COL19A1: variants seen among roughly 807,000 people sequenced by gnomAD.
The protein encoded by COL19A1 is collagen alpha-1(XIX) chain.
Under a neutral mutation model 190.2 loss-of-function variants are expected in COL19A1, and 159 were observed. The observed-to-expected ratio is 0.84, with a 90% CI of 0.73 to 0.95. The LOEUF (loss-of-function observed/expected upper bound fraction) is 0.95. COL19A1 is among the 40% of genes least tolerant of loss of function. The pLI, the probability that COL19A1 is intolerant of heterozygous loss-of-function variation, is 0.00. For missense variants in COL19A1, 1,418 were observed against 1,431.9 expected, an observed-to-expected ratio of 0.99 and a Z score of 0.16; for synonymous variants, 509 against 458.9, an observed-to-expected ratio of 1.11 and a Z score of -1.39.
At chr6:70,174,914 T>C (rs1334353823) in intron 41 of COL19A1, among the ~76,000 whole-genome samples, 3 of 152,086 alleles carry the variant, frequency 2.0e-5, no homozygotes, top group Admixed American at 6.6e-5. Flanking sequence ...ACGCATGAAA[T>C]TGAGATTATG....
At chr6:69,987,731 G>A (rs2150071379) in intron 11 of COL19A1, among the ~76,000 whole-genome samples, 1 of 152,292 alleles carries the variant, frequency 6.6e-6, no homozygotes, top group South Asian at 2.1e-4. Context: ...GTTCTTGATT[G>A]TTGGTAAGGA....
intron 49 of COL19A1, among the ~76,000 whole-genome samples, chr6:70,203,570 C>T (rs529177737): frequency 7.2e-4 from 109 of 152,108 alleles, no homozygotes; most frequent in Middle Eastern, 3.4e-3. Flanking sequence ...ACCCCACCCC[C>T]ACCATGCCCA....
intron 17 of COL19A1, among the ~76,000 whole-genome samples, chr6:70,129,027 A>G (rs1311224323): frequency 1.3e-5 from 2 of 152,216 alleles, no homozygotes; most frequent in African/African-American, 4.8e-5. Context: ...TTACATCTCA[A>G]AGGGATAGTG....
intron 11 of COL19A1, among the ~76,000 whole-genome samples, chr6:69,967,119 A>G (rs1213890021): frequency 6.6e-6 from 1 of 152,230 alleles, no homozygotes; most frequent in Non-Finnish European, 1.5e-5. Context: ...ATATCATTTG[A>G]TTGTGAGAAA....
chr6:70,169,422 T>G lies in COL19A1; in HGVS notation c.2568+741T>G, dbSNP rs188358041. ...AATGTACCTAAAGCTGAAATAAATT[T>G]TCAAAACACTTTCCATTGCCATGTG... On this transcript the variant is annotated intron_variant, in intron 40 of 50. Transcript: ENST00000620364. Among the ~76,000 whole-genome samples, 8 of 152,326 alleles carry G rather than the reference T, an allele frequency of 5.3e-5. No individual in the cohort carries two copies. In the East Asian group the frequency reaches 1.5e-3, roughly 29 times the overall value.
intron 47 of COL19A1, 40 bp from the exon 48 acceptor site, chr6:70,190,275 C>T: frequency 4.9e-6 from 7 of 1,423,026 alleles, no homozygotes; most frequent in Non-Finnish European, 6.9e-6. Context: ...TTCATTTGTG[C>T]TATGCTCTAT....
chr6:69,943,854 A>G (rs1164690794), intron 9 of COL19A1, among the ~76,000 whole-genome samples: 1 of 152,208 alleles, frequency 6.6e-6, no homozygotes, highest in African/African-American at 2.4e-5. Flanking sequence ...TTATACACAT[A>G]CATTATGAGT....
chr6:70,043,790 G>C (rs1309122156), intron 14 of COL19A1, among the ~76,000 whole-genome samples: 25 of 152,302 alleles, frequency 1.6e-4, no homozygotes. Context: ...GGTAAATGTA[G>C]CATAACTCTT....
rs200574288 is a variant in COL19A1, at chr6:70,180,521, C to G, written c.2773C>G (p.Pro925Ala). 2 of 1,614,032 alleles carry G rather than the reference C, an allele frequency of 1.2e-6. No homozygotes were observed. The highest frequency in any genetic ancestry group is 8.5e-7 in the Non-Finnish European group (1 of 1,179,938). ...TGGACCAGAAGGACCCTCAGGAAAG[C>G]CAGTAAGTACTTCTTACTACTTAAA... The part of the protein sequence containing the change: ...FPGPEGPSGK[P>A]GINGKDGIPG... The change falls in exon 44 of 51, where the codon CCA becomes GCA. Residue 925 changes from proline to alanine, a missense_variant and splice_region_variant. Coordinates refer to ENST00000620364, the MANE Select transcript of COL19A1 (RefSeq NM_001858.6).
At chr6:69,889,635 G>T (rs949174058) in intron 2 of COL19A1, among the ~76,000 whole-genome samples, 6 of 151,930 alleles carry the variant, frequency 3.9e-5, no homozygotes, top group African/African-American at 7.3e-5. Flanking sequence ...CTAAAGGACT[G>T]TAAATGCACC....
Position 70,142,014 on chromosome 6 carries a change from C to A in COL19A1, c.1519-9C>A, listed in dbSNP as rs944968151. The A allele has an allele frequency of 1.2e-6, 2 of 1,612,358 alleles. No individual in the cohort carries two copies. Among genetic ancestry groups the A allele is most frequent in the Non-Finnish European group, 1.7e-6 (2 of 1,178,894 alleles). On this transcript the variant is annotated splice_polypyrimidine_tract_variant and intron_variant, in intron 21 of 50. Transcript: ENST00000620364. ...AAACATTGATCTTTCCTTCCCCCCACGTGTTTAGGGTGAACCTGGAGATCC... is the reference window on the plus strand; with the variant it reads ...AAACATTGATCTTTCCTTCCCCCCAAGTGTTTAGGGTGAACCTGGAGATCC...
chr6:70,053,429 C>T (rs115974030), intron 14 of COL19A1, among the ~76,000 whole-genome samples: 1 of 152,074 alleles, frequency 6.6e-6, no homozygotes, highest in Non-Finnish European at 1.5e-5. Flanking sequence ...TCACATACTA[C>T]CCATGTTACC....
intron 34 of COL19A1, among the ~76,000 whole-genome samples, chr6:70,159,670 T>C (rs1787667485): frequency 6.6e-6 from 1 of 152,140 alleles, no homozygotes; most frequent in African/African-American, 2.4e-5. Flanking sequence ...ATCCCACTGA[T>C]GCAAAGAAAC....
intron 16 of COL19A1, among the ~76,000 whole-genome samples, chr6:70,111,071 G>C (rs1300535283): frequency 1.3e-5 from 2 of 152,092 alleles, no homozygotes; most frequent in Admixed American, 6.6e-5. Context: ...CGGGATATTT[G>C]TTTCCTAAAT....
Position 70,120,600 on chromosome 6 carries a change from C to A in COL19A1, c.1279-1280C>A, listed in dbSNP as rs192602744. On this transcript the variant is annotated intron_variant, in intron 16 of 50. Coordinates refer to ENST00000620364, the MANE Select transcript of COL19A1 (RefSeq NM_001858.6). ...AAAAATATATAATGCCATAAGAATT[C>A]TCTTCTTACAATAGCTCCGTTATTG... Among the ~76,000 whole-genome samples, 8 of 152,290 alleles carry A rather than the reference C, an allele frequency of 5.3e-5. No homozygotes were observed. In the East Asian group the frequency reaches 1.5e-3, roughly 29 times the overall value.
At chr6:70,201,800 G>A (rs894114076) in intron 49 of COL19A1, among the ~76,000 whole-genome samples, 2 of 152,172 alleles carry the variant, frequency 1.3e-5, no homozygotes, top group Non-Finnish European at 2.9e-5. Flanking sequence ...CAGTAGGCAT[G>A]CTGTACTGAT....
intron 14 of COL19A1, among the ~76,000 whole-genome samples, chr6:70,064,472 G>A (rs1270767141): frequency 6.6e-6 from 1 of 152,078 alleles, no homozygotes; most frequent in South Asian, 2.1e-4. Context: ...AAAATAATAA[G>A]AGCTATTTAT....
chr6:70,117,417 G>A (rs917102237), intron 16 of COL19A1, among the ~76,000 whole-genome samples: 5 of 152,162 alleles, frequency 3.3e-5, no homozygotes, highest in East Asian at 3.8e-4. Flanking sequence ...TTTACACTAC[G>A]TGTCTGACAA....
intron 12 of COL19A1, among the ~76,000 whole-genome samples, chr6:70,024,641 T>C (rs1778633537): frequency 6.7e-6 from 1 of 149,748 alleles, no homozygotes; most frequent in African/African-American, 2.5e-5. Context: ...GTGTGTGGAG[T>C]CTCCCAAAAA....
Sources: gnomAD v4.1 joint callset for allele counts (sites outside exome capture counted in the v4.1 genomes callset) on GRCh38, gnomAD v4.1.1 for gene constraint, MANE v1.5 for transcripts, NCBI Gene and HGNC (gene_info 2026-07-23, HGNC 2026-07-21) for gene names.